Variants in PCED1A observed in about 807,000 individuals in gnomAD.
PCED1A encodes PC-esterase domain containing 1A, also known as PC-esterase domain-containing protein 1A.
Under a neutral mutation model 41.9 loss-of-function variants are expected in PCED1A, and 20 were observed. That is an observed-to-expected ratio of 0.48 (90% CI 0.34 to 0.69). The LOEUF is 0.69. Among genes scored for constraint, PCED1A ranks in the 30% least tolerant of loss-of-function variants. The pLI, the probability that PCED1A is intolerant of heterozygous loss-of-function variation, is 0.01. For synonymous variants in PCED1A, 236 were observed against 241.3 expected, an observed-to-expected ratio of 0.98 and a Z score of 0.20; for missense variants, 498 against 602.1, an observed-to-expected ratio of 0.83 and a Z score of 1.81.
rs777142727 is a variant in PCED1A, at chr20:2,838,215, C to A, written c.841+17G>T. The A allele has an allele frequency of 1.9e-6, 3 of 1,613,822 alleles. No homozygotes were observed. The South Asian group carries it at 3.3e-5, about 18-fold the overall frequency. On this transcript the variant is annotated intron_variant, in intron 6 of 7. Coordinates refer to ENST00000360652, the MANE Select transcript of PCED1A (RefSeq NM_022760.6). This position sits in a 1 kb window ranked among gnomAD's most constrained non-coding sequence, Gnocchi z 5.8. ...GCCCCAGTGCATCACTACCCCCCCACTTATGGTAGGGCTCACCAGGGGGAT... is the reference window on the plus strand; with the variant it reads ...GCCCCAGTGCATCACTACCCCCCCAATTATGGTAGGGCTCACCAGGGGGAT...
Position 2,839,023 on chromosome 20 carries a change from G to A in PCED1A, c.264C>T (p.His88=). The part of the protein sequence containing the change: ...LVAGGQLGEL[H]NGTQYREVRQ... ...GGACCTCACGATACTGTGTCCCGTT[G>A]TGCAGCTCGCCCAGCTGGCCCCCAG... Residue 88 remains histidine (H), a synonymous_variant, in exon 4 of 8, where the codon CAC becomes CAT. Coordinates refer to ENST00000360652, the MANE Select transcript of PCED1A (RefSeq NM_022760.6). 2 of 1,613,790 alleles carry A rather than the reference G, an allele frequency of 1.2e-6. No individual in the cohort carries two copies. Among genetic ancestry groups the A allele is most frequent in the Middle Eastern group, 1.6e-4 (1 of 6,062 alleles).
At chr20:2,839,388 C>T (rs1025801288) in intron 2 of PCED1A, 117 bp from the exon 3 acceptor site, 3 of 929,306 alleles carry the variant, frequency 3.2e-6, no homozygotes, top group African/African-American at 3.3e-5. Context: ...CTGTGGTTGA[C>T]TTAGACGCAG....
chr20:2,840,618 TC>T lies in PCED1A; in HGVS notation c.-430del, dbSNP rs2088951708. 22 of 782,428 alleles carry T rather than the reference TC, an allele frequency of 2.8e-5. No homozygotes were observed. The South Asian group carries it at 3.6e-4, about 13-fold the overall frequency. 48.5% of individuals were successfully genotyped at this position (782,428 alleles called of 1,614,324 possible). A position where few individuals can be genotyped will look rare whatever the true frequency, so the allele number is the denominator to read the frequency against. ...CGCGAAGCCCAGGTACGGGCTGGGG[TC>T]TCGGGGCGGCAGCCAAGTGAGGCTG... On this transcript the variant is annotated 5_prime_UTR_variant, in exon 1 of 8. Coordinates refer to ENST00000360652, the MANE Select transcript of PCED1A (RefSeq NM_022760.6).
chr20:2,839,993 G>T, intron 1 of PCED1A, 60 bp from the exon 2 acceptor site: 1 of 1,508,792 alleles, frequency 6.6e-7, no homozygotes. Flanking sequence ...TCAGCCTCAG[G>T]GCTAGCCCCT....
Position 2,838,144 on chromosome 20 carries a change from T to A in PCED1A, c.841+88A>T. On this transcript the variant is annotated intron_variant, in intron 6 of 7. Transcript: ENST00000360652. The surrounding 1 kb of genome is among the most constrained non-coding windows in gnomAD (Gnocchi z 5.8). Reference sequence around the variant, plus strand: ...GTCCTTCAAGGGACCTCTACTTCCCTTGAGTGGCTGTGTCCCATTCTGTTT... The same window carrying A: ...GTCCTTCAAGGGACCTCTACTTCCCATGAGTGGCTGTGTCCCATTCTGTTT... The A allele has an allele frequency of 6.3e-7, 1 of 1,588,740 alleles. No homozygotes were observed. Among genetic ancestry groups the A allele is most frequent in the Non-Finnish European group, 8.6e-7 (1 of 1,165,432 alleles).
chr20:2,836,660 C>T (rs1413603351), intron 6 of PCED1A, among the ~76,000 whole-genome samples: 1 of 152,224 alleles, frequency 6.6e-6, no homozygotes, highest in Non-Finnish European at 1.5e-5. Context: ...CCTTCCCCAA[C>T]AACTTCCTTT....
chr20:2,839,668 C>T (rs1173384269), intron 2 of PCED1A, 121 bp downstream of exon 2: 1 of 1,419,096 alleles, frequency 7.0e-7, no homozygotes, highest in Non-Finnish European at 9.6e-7. Flanking sequence ...AAGAGAAAAC[C>T]TACTGGACGG....
intron 7 of PCED1A, 22 bp downstream of exon 7, chr20:2,836,017 G>A (rs1264947320): frequency 1.4e-6 from 2 of 1,469,216 alleles, no homozygotes; most frequent in East Asian, 2.5e-5. Context: ...CAAGAGGGTG[G>A]GGGAGCTGCA....
In PCED1A at chr20:2,839,084, T is replaced by TGCCC; in HGVS notation, c.205-3_205-2insGGGC. 1.4e-6 allele frequency: 1 copy of TGCCC among 725,288 alleles called. No homozygotes were observed. The highest frequency in any genetic ancestry group is 1.9e-6 in the Non-Finnish European group (1 of 522,256). 44.9% of individuals were successfully genotyped at this position (725,288 alleles called of 1,614,324 possible). A position where few individuals can be genotyped will look rare whatever the true frequency, so the allele number is the denominator to read the frequency against. On this transcript the variant is annotated splice_region_variant and splice_polypyrimidine_tract_variant and intron_variant, in intron 3 of 7. Coordinates refer to ENST00000360652, the MANE Select transcript of PCED1A (RefSeq NM_022760.6). Reference sequence around the variant, plus strand: ...GTCCTGTTCAAAGCTCAGCTCCCCCTACCCACCCCCCCCACCCTACTGGTC... The same window carrying TGCCC: ...GTCCTGTTCAAAGCTCAGCTCCCCCTGCCCACCCACCCCCCCCACCCTACTGGTC...
At chr20:2,839,317 C>T (rs746393128) in intron 2 of PCED1A, 46 bp from the exon 3 acceptor site, 4 of 1,562,122 alleles carry the variant, frequency 2.6e-6, no homozygotes, top group Non-Finnish European at 3.5e-6. Context: ...CCTCAGCCTG[C>T]CCCAGCTCCT....
chr20:2,837,020 C>T (rs2088846800), intron 6 of PCED1A, among the ~76,000 whole-genome samples: 1 of 152,128 alleles, frequency 6.6e-6, no homozygotes, highest in Non-Finnish European at 1.5e-5. Flanking sequence ...TTCCAAAGAA[C>T]CTCAAATCAA....
Position 2,840,628 on chromosome 20 carries a change from G to A in PCED1A, c.-439C>T, listed in dbSNP as rs1200765755. On this transcript the variant is annotated 5_prime_UTR_variant, in exon 1 of 8. Transcript: ENST00000360652. ...AGGTACGGGCTGGGGTCTCGGGGCG[G>A]CAGCCAAGTGAGGCTGCCCACAGTG... The A allele has an allele frequency of 2.3e-6, 2 of 857,430 alleles. No homozygotes were observed. The highest frequency in any genetic ancestry group is 3.4e-5 in the African/African-American group (2 of 58,556). The allele number at this position is 857,430 out of a possible 1,614,324, so 53.1% of individuals were successfully genotyped here.
In PCED1A at chr20:2,838,111, C is replaced by A. The variant is rs1011042769; in HGVS notation, c.841+121G>T. On this transcript the variant is annotated intron_variant, in intron 6 of 7. Transcript: ENST00000360652. This position sits in a 1 kb window ranked among gnomAD's most constrained non-coding sequence, Gnocchi z 5.8. Reference sequence around the variant, plus strand: ...GGGTTGAGGAAGGTGCATGCAGAAGCCACAGGAGTCCTTCAAGGGACCTCT... The same window carrying A: ...GGGTTGAGGAAGGTGCATGCAGAAGACACAGGAGTCCTTCAAGGGACCTCT... The A allele has an allele frequency of 1.4e-6, 2 of 1,449,856 alleles. No homozygotes were observed. The highest frequency in any genetic ancestry group is 1.8e-5 in the Admixed American group (1 of 56,902). 89.8% of individuals were successfully genotyped at this position (1,449,856 alleles called of 1,614,324 possible). A position where few individuals can be genotyped will look rare whatever the true frequency, so the allele number is the denominator to read the frequency against.
In PCED1A at chr20:2,840,224, T is replaced by G. The variant is rs150630425; in HGVS notation, c.-35A>C. The stretch of plus-strand genomic sequence containing the variant: ...CGCGCCAATTACCAAGTCCCGGGGC[T>G]CCGCGGTGTTCACCCGCGACCCGGG... On this transcript the variant is annotated 5_prime_UTR_variant, in exon 1 of 8. Coordinates refer to ENST00000360652, the MANE Select transcript of PCED1A (RefSeq NM_022760.6). 4 of 273,120 alleles carry G rather than the reference T, an allele frequency of 1.5e-5. No individual in the cohort carries two copies. In the East Asian group the frequency reaches 3.2e-4, roughly 22 times the overall value. The allele number at this position is 273,120 out of a possible 1,614,324, so 16.9% of individuals were successfully genotyped here.
At chr20:2,840,840 GC>G (rs781537016), upstream of PCED1A, 80 of 918,632 alleles carry the variant, frequency 8.7e-5, no homozygotes, top group Non-Finnish European at 1.2e-4. Context: ...GAGCTGCCCC[GC>G]CCTCCCGCCC....
chr20:2,836,177 G>A lies in PCED1A; in HGVS notation c.979C>T (p.Pro327Ser). ...GGAGGTGGCGAGGGCTGAGGAAGCG[G>A]GTAGGGAAAAGGCATGGGAGGAGGC... ...SLPPPMPFPYPLPQPSPPPLF... is the reference protein window; with the variant it reads ...SLPPPMPFPYSLPQPSPPPLF... The change falls in exon 7 of 8, where the codon CCG becomes TCG. Residue 327 changes from proline (P) to serine (S), a missense_variant. Pro to Ser is a moderately conservative substitution (Grantham distance 74, BLOSUM62 -1). Around this residue, in one of 2 missense-constraint regions of PCED1A, gnomAD observed 245 missense variants for 232.4 expected, o/e 1.05. Transcript: ENST00000360652. The A allele has an allele frequency of 1.2e-6, 2 of 1,611,160 alleles. No individual in the cohort carries two copies. The highest frequency in any genetic ancestry group is 1.1e-5 in the South Asian group (1 of 90,884).
In PCED1A at chr20:2,835,349, C is replaced by T. The variant is rs2088802562; in HGVS notation, c.*113G>A. ...TGTTCTTCCATGCCTTTATTGGTGA[C>T]AGCAATGGACAAGAACAATACCAGG... is the stretch of plus-strand genomic sequence containing the variant. On this transcript the variant is annotated 3_prime_UTR_variant, in exon 8 of 8. Coordinates refer to ENST00000360652, the MANE Select transcript of PCED1A (RefSeq NM_022760.6). The T allele has an allele frequency of 1.5e-6, 2 of 1,323,758 alleles. No homozygotes were observed. Among genetic ancestry groups the T allele is most frequent in the Admixed American group, 2.7e-5 (1 of 37,280 alleles). The allele number at this position is 1,323,758 out of a possible 1,614,324, so 82.0% of individuals were successfully genotyped here.
Position 2,838,501 on chromosome 20 carries a change from TA to T in PCED1A, c.595-24del. 1 of 1,614,148 alleles carries T rather than the reference TA, an allele frequency of 6.2e-7. No homozygotes were observed. Among genetic ancestry groups the T allele is most frequent in the African/African-American group, 1.3e-5 (1 of 75,066 alleles). On this transcript the variant is annotated intron_variant, in intron 5 of 7. Coordinates refer to ENST00000360652, the MANE Select transcript of PCED1A (RefSeq NM_022760.6). This position sits in a 1 kb window ranked among gnomAD's most constrained non-coding sequence, Gnocchi z 5.8. ...GAGCTAAGTGAGAAAGTGCAGCCTC[TA>T]AGAGCCACAGAACGCAGCAGGGTCT... is the stretch of plus-strand genomic sequence containing the variant.
Position 2,838,130 on chromosome 20 carries a change from G to GC in PCED1A, c.841+101_841+102insG, listed in dbSNP as rs1341399151. 1.3e-6 allele frequency: 2 copies of GC among 1,554,856 alleles called. No homozygotes were observed. Among genetic ancestry groups the GC allele is most frequent in the Non-Finnish European group, 1.8e-6 (2 of 1,140,982 alleles). ...CAGAAGCCACAGGAGTCCTTCAAGG[G>GC]ACCTCTACTTCCCTTGAGTGGCTGT... On this transcript the variant is annotated intron_variant, in intron 6 of 7. Coordinates refer to ENST00000360652, the MANE Select transcript of PCED1A (RefSeq NM_022760.6). The surrounding 1 kb of genome is among the most constrained non-coding windows in gnomAD (Gnocchi z 5.8).
Sources: allele counts gnomAD v4.1 joint callset (sites outside exome capture counted in the v4.1 genomes callset), GRCh38; gene constraint gnomAD v4.1.1; regional missense constraint gnomAD v4.1.1; non-coding constraint Gnocchi (gnomAD v3.1); transcripts MANE v1.5; gene names NCBI Gene and HGNC (gene_info 2026-07-23, HGNC 2026-07-21).